Variants in CPVL observed in about 807,000 individuals in gnomAD.
CPVL encodes carboxypeptidase vitellogenic like, also known as probable serine carboxypeptidase CPVL.
In CPVL, 51 loss-of-function variants were observed where a neutral mutation model predicts 63.7. That is an observed-to-expected ratio of 0.80 (90% CI 0.64 to 1.01). CPVL has a LOEUF of 1.01. Ranked by LOEUF, CPVL falls within the 50% of genes least tolerant of loss-of-function variation. CPVL has a pLI of 0.00. For missense variants in CPVL, 530 were observed against 573.1 expected (o/e 0.92, Z 0.77); for synonymous variants, 195 against 206.0 (o/e 0.95, Z 0.46).
intron 6 of CPVL, among the ~76,000 whole-genome samples, chr7:29,087,194 G>A (rs1785289385): frequency 6.6e-6 from 1 of 152,114 alleles, no homozygotes; most frequent in African/African-American, 2.4e-5. Flanking sequence ...GGGAGGCTAA[G>A]GTGGGCGGAT....
At chr7:29,093,446 C>T (rs900037447) in intron 5 of CPVL, among the ~76,000 whole-genome samples, 1 of 151,526 alleles carries the variant, frequency 6.6e-6, no homozygotes, top group African/African-American at 2.4e-5. Context: ...ACATTGTCTT[C>T]CTCTTCTTCT....
chr7:29,151,088 T>C (rs1793528848), upstream of CPVL, among the ~76,000 whole-genome samples: 1 of 152,196 alleles, frequency 6.6e-6, no homozygotes, highest in Admixed American at 6.5e-5. Context: ...CACAGACACA[T>C]GCCCTGATCA....
At chr7:29,054,238 T>C (rs574897922) in intron 11 of CPVL, among the ~76,000 whole-genome samples, 1 of 152,352 alleles carries the variant, frequency 6.6e-6, no homozygotes, top group East Asian at 1.9e-4. Flanking sequence ...TAGTATTTCT[T>C]CTTGTAGCTC....
rs1786612728 is a variant in CPVL, at chr7:29,097,942, C to T, written c.289-1725G>A. ...GAACAGACTTAGAAAGGGAGGAAGG[C>T]ACAGTCGCCAGGCGAATCCCCCAGA... is the stretch of plus-strand genomic sequence containing the variant. On this transcript the variant is annotated intron_variant, in intron 3 of 12. Transcript: ENST00000265394. Among the ~76,000 whole-genome samples, 3 of 152,112 alleles carry T rather than the reference C, an allele frequency of 2.0e-5. No homozygotes were observed. The South Asian group carries it at 6.2e-4, about 32-fold the overall frequency.
intron 11 of CPVL, among the ~76,000 whole-genome samples, chr7:29,057,138 A>G (rs1319110639): frequency 6.6e-6 from 1 of 151,584 alleles, no homozygotes; most frequent in Admixed American, 6.6e-5. Context: ...AATTATTTTT[A>G]TTTTGTAGAG....
intron 2 of CPVL, among the ~76,000 whole-genome samples, chr7:29,116,669 G>A (rs1788804769): frequency 6.6e-6 from 1 of 152,120 alleles, no homozygotes; most frequent in Admixed American, 6.6e-5. Context: ...CAGATCATAA[G>A]TAACAATAAA....
chr7:29,138,011 G>C (rs1791426173), intron 1 of CPVL, among the ~76,000 whole-genome samples: 1 of 152,184 alleles, frequency 6.6e-6, no homozygotes, highest in Non-Finnish European at 1.5e-5. Context: ...TGTAAGGATG[G>C]ACTTAAGCCA....
At chr7:29,016,960 C>T (rs1786473976) in intron 12 of CPVL, among the ~76,000 whole-genome samples, 1 of 152,204 alleles carries the variant, frequency 6.6e-6, no homozygotes, top group African/African-American at 2.4e-5. Context: ...AGTTTCCTCA[C>T]CCTGAATTCA....
chr7:29,149,766 A>T (rs1030556825), upstream of CPVL, among the ~76,000 whole-genome samples: 1 of 152,044 alleles, frequency 6.6e-6, no homozygotes, highest in African/African-American at 2.4e-5. Flanking sequence ...TTGTGGCAGC[A>T]TCAACCCAAT....
At chr7:29,146,033 A>C (rs1045873378) in intron 1 of CPVL, 1 of 152,324 alleles carries the variant, frequency 6.6e-6, no homozygotes, top group Non-Finnish European at 1.5e-5. Flanking sequence ...ACACATCCCC[A>C]AAACACGCGT....
chr7:29,159,702 G>A (rs1198257148), intron 5 of CPVL, among the ~76,000 whole-genome samples: 1 of 152,050 alleles, frequency 6.6e-6, no homozygotes, highest in Admixed American at 6.6e-5. Flanking sequence ...CTACCTCACA[G>A]CACACATCCT....
intron 11 of CPVL, among the ~76,000 whole-genome samples, chr7:29,041,551 G>A (rs1248453359): frequency 1.3e-5 from 2 of 151,982 alleles, no homozygotes; most frequent in African/African-American, 2.4e-5. Flanking sequence ...TACCCTACTA[G>A]GAGGTGGGTC....
At chr7:29,034,853 G>GAAAAAAAA (rs60558791) in intron 11 of CPVL, among the ~76,000 whole-genome samples, 3 of 123,974 alleles carry the variant, frequency 2.4e-5, no homozygotes, top group South Asian at 2.6e-4. Flanking sequence ...TTTTATAATG[G>GAAAAAAAA]AAAAAAAAAA....
chr7:29,154,678 A>G (rs1318649135), intron 5 of CPVL, among the ~76,000 whole-genome samples: 1 of 151,900 alleles, frequency 6.6e-6, no homozygotes, highest in Non-Finnish European at 1.5e-5. Flanking sequence ...TACTAAAAAT[A>G]AAAAAAATTA....
intron 3 of CPVL, among the ~76,000 whole-genome samples, chr7:29,111,160 C>G (rs1207296363): frequency 6.6e-6 from 1 of 152,188 alleles, no homozygotes; most frequent in Non-Finnish European, 1.5e-5. Flanking sequence ...CAAGAGAAAA[C>G]TAATATAAAG....
upstream of CPVL, chr7:29,147,013 C>T (rs1792815566): frequency 4.7e-5 from 73 of 1,548,738 alleles, 2 homozygotes; most frequent in South Asian, 8.6e-4. Flanking sequence ...TGAATCACTG[C>T]GCTGGAGTCT....
intron 12 of CPVL, among the ~76,000 whole-genome samples, chr7:29,006,485 C>T (rs561808001): frequency 6.6e-6 from 1 of 152,326 alleles, no homozygotes; most frequent in East Asian, 1.9e-4. Flanking sequence ...TCCATTTCTG[C>T]CTACCCTCAC....
In CPVL at chr7:29,112,761, G is replaced by A; in HGVS notation, c.231C>T (p.Phe77=). ...TGTTGTAAGTCTTATTCACGGTGAG[G>A]AAGCCGGCATAACTCTTCATGTTCA... ...PGLNMKSYAG[F]LTVNKTYNSN... is the part of the protein sequence containing the mutation. The change falls in exon 3 of 13, where the codon TTC becomes TTT. Residue 77 remains phenylalanine (F), a synonymous_variant. Coordinates refer to ENST00000265394, the MANE Select transcript of CPVL (RefSeq NM_031311.5). The A allele has an allele frequency of 6.2e-7, 1 of 1,613,870 alleles. No homozygotes were observed. The highest frequency in any genetic ancestry group is 8.5e-7 in the Non-Finnish European group (1 of 1,179,956).
chr7:29,033,350 G>C (rs922279643), intron 11 of CPVL, among the ~76,000 whole-genome samples: 4 of 152,244 alleles, frequency 2.6e-5, no homozygotes, highest in Admixed American at 6.5e-5. Flanking sequence ...GAAGCAGGTG[G>C]GCACGGCATA....
Sources: gnomAD v4.1 joint callset for allele counts (sites outside exome capture counted in the v4.1 genomes callset) on GRCh38, gnomAD v4.1.1 for gene constraint, MANE v1.5 for transcripts, NCBI Gene and HGNC (gene_info 2026-07-23, HGNC 2026-07-21) for gene names.